Variants in CCDC102B observed in about 807,000 individuals in gnomAD.
CCDC102B encodes the protein coiled-coil domain containing 102B, also known as coiled-coil domain-containing protein 102B.
CCDC102B carries 75 observed loss-of-function variants against 57.4 expected under a neutral mutation model. The observed-to-expected ratio is 1.31, with a 90% CI of 1.08 to 1.58. CCDC102B has a LOEUF of 1.58. Ranked by LOEUF, CCDC102B falls within the 40% of genes most tolerant of loss-of-function variation. CCDC102B has a pLI of 0.00. For synonymous variants in CCDC102B, 206 were observed against 201.9 expected (o/e 1.02, Z -0.17); for missense variants, 636 against 582.6 (o/e 1.09, Z -0.94).
At chr18:68,961,955 T>C (rs2050057396) in intron 6 of CCDC102B, among the ~76,000 whole-genome samples, 1 of 152,078 alleles carries the variant, frequency 6.6e-6, no homozygotes. Context: ...CTGAACATTT[T>C]ACTGCAGATA....
chr18:68,910,991 T>C (rs1026203430), intron 6 of CCDC102B, among the ~76,000 whole-genome samples: 5 of 149,370 alleles, frequency 3.3e-5, no homozygotes, highest in African/African-American at 7.4e-5. Flanking sequence ...TTGGTGGGAG[T>C]GTAAATGAGT....
At chr18:68,862,142 G>C (rs2038789080) in intron 4 of CCDC102B, among the ~76,000 whole-genome samples, 2 of 151,948 alleles carry the variant, frequency 1.3e-5, no homozygotes, top group Non-Finnish European at 2.9e-5. Context: ...ATAACTTCTT[G>C]ATAAAATACA....
Position 68,874,735 on chromosome 18 carries a change from T to C in CCDC102B, c.1003T>C (p.Ser335Pro). 1 of 1,612,300 alleles carries C rather than the reference T, an allele frequency of 6.2e-7. No homozygotes were observed. Among genetic ancestry groups the C allele is most frequent in the Non-Finnish European group, 8.5e-7 (1 of 1,178,710 alleles). ...ACTGTCAGGCAATATAAAGGAAGAA[T>C]CCAAATCTCAAAACAGCAAAGACAG... is the stretch of plus-strand genomic sequence containing the variant. ...QELSGNIKEESKSQNSKDRVI... is the reference protein window; with the variant it reads ...QELSGNIKEEPKSQNSKDRVI... The change falls in exon 5 of 8, where the codon TCC becomes CCC. Residue 335 changes from serine (S) to proline (P), a missense_variant. By Grantham distance (74) the Ser-to-Pro change is moderately conservative. Transcript: ENST00000360242.
intron 7 of CCDC102B, among the ~76,000 whole-genome samples, chr18:69,019,775 C>T (rs774195192): frequency 1.1e-4 from 17 of 151,952 alleles, no homozygotes; most frequent in African/African-American, 1.9e-4. Context: ...ATAGAAATGA[C>T]GAGGGTGAAA....
chr18:68,871,161 G>C (rs1056579274), intron 4 of CCDC102B, among the ~76,000 whole-genome samples: 1 of 152,094 alleles, frequency 6.6e-6, no homozygotes, highest in African/African-American at 2.4e-5. Context: ...TGATTTTGGA[G>C]TTATATTATG....
chr18:69,007,472 A>T (rs2051383024), intron 6 of CCDC102B, among the ~76,000 whole-genome samples: 1 of 152,174 alleles, frequency 6.6e-6, no homozygotes. Flanking sequence ...CTCTTTTCTC[A>T]TTACACAGCT....
chr18:68,922,600 C>A (rs985974747), intron 6 of CCDC102B, among the ~76,000 whole-genome samples: 1 of 152,142 alleles, frequency 6.6e-6, no homozygotes, highest in Non-Finnish European at 1.5e-5. Flanking sequence ...AAAGGCCCAG[C>A]AGGTCCAGCC....
At chr18:69,025,858 G>C (rs2051974514) in intron 7 of CCDC102B, among the ~76,000 whole-genome samples, 1 of 152,110 alleles carries the variant, frequency 6.6e-6, no homozygotes, top group African/African-American at 2.4e-5. Flanking sequence ...TGAGTAAGAC[G>C]GTTGAGATCC....
chr18:68,749,620 T>C (rs1418749110), intron 2 of CCDC102B, among the ~76,000 whole-genome samples: 1 of 152,180 alleles, frequency 6.6e-6, no homozygotes, highest in African/African-American at 2.4e-5. Flanking sequence ...TTTTGCACAC[T>C]GATTTTGTAT....
chr18:68,836,041 A>G (rs1485928100), intron 1 of CCDC102B, among the ~76,000 whole-genome samples: 1 of 152,174 alleles, frequency 6.6e-6, no homozygotes, highest in East Asian at 1.9e-4. Context: ...TAGGTTGTGC[A>G]TTCTGCCTGA....
At chr18:68,998,469 A>C (rs1401768599) in intron 6 of CCDC102B, among the ~76,000 whole-genome samples, 1 of 149,528 alleles carries the variant, frequency 6.7e-6, no homozygotes, top group Non-Finnish European at 1.5e-5. Flanking sequence ...CTAGAGTGAC[A>C]GGAGACTAAT....
At chr18:68,954,303 C>T (rs2049784317) in intron 6 of CCDC102B, among the ~76,000 whole-genome samples, 1 of 152,070 alleles carries the variant, frequency 6.6e-6, no homozygotes. Context: ...ATCTGTAATC[C>T]CAGCTACTCG....
intron 3 of CCDC102B, among the ~76,000 whole-genome samples, chr18:68,845,669 AAAAC>A (rs2037825643): frequency 6.6e-6 from 1 of 151,844 alleles, no homozygotes; most frequent in South Asian, 2.1e-4. Context: ...CATTGTGGGC[AAAAC>A]AAACAAACAA....
At chr18:68,945,064 CTG>C (rs5825887) in intron 6 of CCDC102B, among the ~76,000 whole-genome samples, 127,328 of 148,704 alleles carry the variant, frequency 0.86, 54,647 homozygotes, top group East Asian at 0.93. Context: ...GTGTCTCTGT[CTG>C]TGTGTGTGTG....
intron 1 of CCDC102B, among the ~76,000 whole-genome samples, chr18:68,825,848 C>T (rs944730090): frequency 2.6e-5 from 4 of 152,076 alleles, no homozygotes; most frequent in Non-Finnish European, 4.4e-5. Context: ...GTATTTTGTA[C>T]TTACAGGTAG....
In CCDC102B at chr18:68,748,388, A is replaced by C. The variant is rs139903818; in HGVS notation, c.-67+31794A>C. On this transcript the variant is annotated intron_variant, in intron 2 of 3. Transcript: ENST00000578970. ...CATCCTGATGAGATTAGACCTGAAT[A>C]TAAAATCTACAGCATGAGCAAACAG... Among the ~76,000 whole-genome samples, 148 of 152,240 alleles carry C rather than the reference A, an allele frequency of 9.7e-4. 1 individual carries two copies. The East Asian group carries it at 0.018, about 19-fold the overall frequency.
chr18:68,815,461 G>A (rs2036436082), intron 1 of CCDC102B, among the ~76,000 whole-genome samples: 2 of 152,116 alleles, frequency 1.3e-5, no homozygotes, highest in Non-Finnish European at 1.5e-5. Context: ...TAGTCACTGT[G>A]AAGACAAGGA....
At chr18:68,922,123 G>A (rs983342072) in intron 6 of CCDC102B, among the ~76,000 whole-genome samples, 2 of 152,206 alleles carry the variant, frequency 1.3e-5, no homozygotes, top group African/African-American at 4.8e-5. Flanking sequence ...TAAGCCCCCA[G>A]AAGAAGTAGT....
intron 2 of CCDC102B, among the ~76,000 whole-genome samples, chr18:68,779,809 A>T (rs919078059): frequency 6.6e-6 from 1 of 152,128 alleles, no homozygotes; most frequent in African/African-American, 2.4e-5. Context: ...GCTGCCTCAC[A>T]CATGGGTTGA....
Sources: gnomAD v4.1 joint callset for allele counts (sites outside exome capture counted in the v4.1 genomes callset) on GRCh38, gnomAD v4.1.1 for gene constraint, MANE v1.5 for transcripts, NCBI Gene and HGNC (gene_info 2026-07-23, HGNC 2026-07-21) for gene names.